The following KIF21A variants were observed in gnomAD, a reference collection of about 807,000 sequenced individuals.
KIF21A encodes the protein kinesin family member 21A, also known as kinesin-like protein KIF21A.
Under a neutral mutation model 202.9 loss-of-function variants are expected in KIF21A, and 114 were observed. That is an observed-to-expected ratio of 0.56 (90% CI 0.48 to 0.66). KIF21A has a LOEUF of 0.66. Among genes scored for constraint, KIF21A ranks in the 30% least tolerant of loss-of-function variants. The pLI, the probability that KIF21A is intolerant of heterozygous loss-of-function variation, is 0.00. For synonymous variants in KIF21A, 667 were observed against 670.8 expected (o/e 0.99, Z 0.09); for missense variants, 1,677 against 1,994.9 (o/e 0.84, Z 3.04).
chr12:39,430,411 T>TA (rs1285607744), intron 1 of KIF21A, among the ~76,000 whole-genome samples: 1 of 151,440 alleles, frequency 6.6e-6, no homozygotes, highest in Non-Finnish European at 1.5e-5. Context: ...ACTAAAAATA[T>TA]AAAAATTAGC....
intron 1 of KIF21A, among the ~76,000 whole-genome samples, chr12:39,397,977 C>T (rs780524009): frequency 2.0e-5 from 3 of 152,194 alleles, no homozygotes; most frequent in African/African-American, 2.4e-5. Context: ...AAATCTGACA[C>T]AATATTCTTA....
At chr12:39,382,324 C>T (rs973463504) in intron 1 of KIF21A, among the ~76,000 whole-genome samples, 4 of 151,906 alleles carry the variant, frequency 2.6e-5, no homozygotes, top group African/African-American at 4.8e-5. Flanking sequence ...AAAACCATTG[C>T]CATAGAAAAA....
rs918728042 is a variant in KIF21A at position 39,442,624 on chromosome 12, A to C, written c.44+303T>G. On this transcript the variant is annotated intron_variant, in intron 1 of 37. Transcript: ENST00000361418. The surrounding 1 kb of genome is among the most constrained non-coding windows in gnomAD (Gnocchi z 5.0). ...GGTGACTGATCCCGCGAGGGGACGG[A>C]GGGGAGTGACGAGGGCTTTTCCCCC... Among the ~76,000 whole-genome samples the C allele has an allele frequency of 3.3e-5, 5 of 152,160 alleles. No individual in the cohort carries two copies. Among genetic ancestry groups the C allele is most frequent in the Non-Finnish European group, 5.9e-5 (4 of 68,012 alleles).
chr12:39,412,120 G>A (rs1017105451), intron 1 of KIF21A, among the ~76,000 whole-genome samples: 1 of 152,030 alleles, frequency 6.6e-6, no homozygotes, highest in Non-Finnish European at 1.5e-5. Flanking sequence ...AGATTACACG[G>A]GAGCGTGAGC....
intron 1 of KIF21A, among the ~76,000 whole-genome samples, chr12:39,396,152 C>A (rs551906066): frequency 6.6e-6 from 1 of 152,260 alleles, no homozygotes; most frequent in South Asian, 2.1e-4. Flanking sequence ...GGCACAGAGA[C>A]CCCCGACCCT....
intron 1 of KIF21A, among the ~76,000 whole-genome samples, chr12:39,371,789 A>T (rs1949973836): frequency 6.6e-6 from 1 of 151,790 alleles, no homozygotes; most frequent in African/African-American, 2.4e-5. Flanking sequence ...AATTAGCCCA[A>T]CATGGTGGTG....
intron 1 of KIF21A, among the ~76,000 whole-genome samples, chr12:39,397,051 G>C (rs568387396): frequency 6.6e-6 from 1 of 152,096 alleles, no homozygotes; most frequent in Non-Finnish European, 1.5e-5. Context: ...GCCTGAGACC[G>C]ACTATTTATT....
intron 34 of KIF21A, among the ~76,000 whole-genome samples, chr12:39,306,053 C>T (rs1290233751): frequency 6.6e-6 from 1 of 152,174 alleles, no homozygotes; most frequent in African/African-American, 2.4e-5. Context: ...TGGTAGAAAA[C>T]TGTGTGATGT....
At chr12:39,336,852 G>A (rs1031417473) in intron 17 of KIF21A, among the ~76,000 whole-genome samples, 5 of 152,084 alleles carry the variant, frequency 3.3e-5, no homozygotes, top group African/African-American at 9.7e-5. Context: ...TTACTTCTAT[G>A]TCATCATCTG....
At chr12:39,353,677 A>G (rs1290314554) in intron 10 of KIF21A, among the ~76,000 whole-genome samples, 2 of 152,122 alleles carry the variant, frequency 1.3e-5, no homozygotes, top group Non-Finnish European at 2.9e-5. Flanking sequence ...TAAATAATGT[A>G]GGTATTTTAT....
intron 15 of KIF21A, among the ~76,000 whole-genome samples, chr12:39,340,578 G>A (rs1420326161): frequency 6.6e-6 from 1 of 151,882 alleles, no homozygotes; most frequent in East Asian, 1.9e-4. Flanking sequence ...ATGTTAAAAT[G>A]TCCCCAACAT....
intron 1 of KIF21A, among the ~76,000 whole-genome samples, chr12:39,384,621 C>G (rs141869243): frequency 8.5e-5 from 13 of 152,292 alleles, no homozygotes; most frequent in African/African-American, 2.9e-4. Context: ...CTCTTAATCT[C>G]TACATTTTTT....
rs1387332677 is a variant in KIF21A at position 39,436,448 on chromosome 12, A to ATATATATATATTTTTTT, written c.44+6478_44+6479insAAAAAAATATATATATA. 7.3e-5 allele frequency among the ~76,000 whole-genome samples: 7 copies of ATATATATATATTTTTTT among 95,764 alleles called. No homozygotes were observed. In the South Asian group the frequency reaches 2.0e-3, roughly 27 times the overall value. 62.8% of individuals were successfully genotyped at this position (95,764 alleles called of 152,430 possible). ...TATATATATATATATATATATATATATTTTTTTTTTTTTTAGACAGGGTTT... is the reference window on the plus strand; with the variant it reads ...TATATATATATATATATATATATATATATATATATATTTTTTTTTTTTTTTTTTTTTAGACAGGGTTT... On this transcript the variant is annotated intron_variant, in intron 1 of 37. Transcript: ENST00000361418.
At chr12:39,408,189 G>A (rs887538748) in intron 1 of KIF21A, among the ~76,000 whole-genome samples, 2 of 152,038 alleles carry the variant, frequency 1.3e-5, no homozygotes, top group East Asian at 1.9e-4. Flanking sequence ...AGGGATGGTC[G>A]GGGGGTTGGG....
rs140140022 is a variant in KIF21A, at chr12:39,326,316, C to G, written c.3349G>C (p.Glu1117Gln). Residue 1117 changes from glutamate to glutamine, a missense_variant, in exon 25 of 38, where the codon GAG (glutamate) becomes CAG (glutamine). Coordinates refer to ENST00000361418, the MANE Select transcript of KIF21A (RefSeq NM_001173464.2). ...DLDSVPLENV[E>Q]DSTDEDAPLN... The stretch of plus-strand genomic sequence containing the variant: ...GGAGCATCCTCATCAGTACTATCCT[C>G]TACATTTTCTACAAAAAAATGTTTA... 106 of 1,610,268 alleles carry G rather than the reference C, an allele frequency of 6.6e-5. No homozygotes were observed. In the African/African-American group the frequency reaches 1.3e-3, roughly 20 times the overall value.
chr12:39,420,570 A>G (rs1189475979), intron 1 of KIF21A, among the ~76,000 whole-genome samples: 2 of 152,186 alleles, frequency 1.3e-5, no homozygotes, highest in Non-Finnish European at 2.9e-5. Context: ...GTATGGAAGG[A>G]GGAATGAAAG....
chr12:39,334,312 C>A (rs959174968), intron 17 of KIF21A, among the ~76,000 whole-genome samples: 4 of 151,772 alleles, frequency 2.6e-5, no homozygotes, highest in Non-Finnish European at 5.9e-5. Flanking sequence ...TGATCTTGGA[C>A]AAAGTTTAAG....
In KIF21A at chr12:39,367,900, C is replaced by G; in HGVS notation, c.583G>C (p.Val195Leu). 6.2e-7 allele frequency: 1 copy of G among 1,608,902 alleles called. No homozygotes were observed. Among genetic ancestry groups the G allele is most frequent in the Non-Finnish European group, 8.5e-7 (1 of 1,175,706 alleles). ...IYTVGVTTRTVNTESEMMQCL... is the reference protein window; with the variant it reads ...IYTVGVTTRTLNTESEMMQCL... ...AATATTACCTCTGATTCTGTATTCA[C>G]AGTACGTGTTGTAACGCCCACAGTA... The change falls in exon 4 of 38, where the codon GTG becomes CTG. Residue 195 changes from valine (V) to leucine (L), a missense_variant. Transcript: ENST00000361418.
chr12:39,312,359 G>T (rs1342324946), intron 31 of KIF21A: 1 of 151,928 alleles, frequency 6.6e-6, no homozygotes, highest in African/African-American at 2.4e-5. Flanking sequence ...TAGAAGGACG[G>T]TTACCAGAGG....
Sources: allele counts gnomAD v4.1 joint callset (sites outside exome capture counted in the v4.1 genomes callset), GRCh38; gene constraint gnomAD v4.1.1; non-coding constraint Gnocchi (gnomAD v3.1); transcripts MANE v1.5; gene names NCBI Gene and HGNC (gene_info 2026-07-23, HGNC 2026-07-21).